DOCK1: variants seen among roughly 807,000 people sequenced by gnomAD.
DOCK1 encodes the protein dedicator of cytokinesis protein 1.
DOCK1 carries 138 observed loss-of-function variants against 262.7 expected under a neutral mutation model. That is an observed-to-expected ratio of 0.53 (90% confidence interval 0.46 to 0.61). DOCK1 has a LOEUF of 0.61. Among genes scored for constraint, DOCK1 ranks in the 20% least tolerant of loss-of-function variants. The pLI, the probability that DOCK1 is intolerant of heterozygous loss-of-function variation, is 0.00. For synonymous variants in DOCK1, 866 were observed against 867.4 expected (o/e 1.00, Z 0.03); for missense variants, 1,908 against 2,370.7 (o/e 0.80, Z 4.05).
At chr10:127,308,548 A>G (rs1448610825) in intron 29 of DOCK1, among the ~76,000 whole-genome samples, 2 of 152,110 alleles carry the variant, frequency 1.3e-5, no homozygotes, top group African/African-American at 2.4e-5. Flanking sequence ...TAAGCCCCAC[A>G]TGCATTAGCT....
intron 18 of DOCK1, among the ~76,000 whole-genome samples, chr10:127,036,044 A>AAAT (rs747334299): frequency 1.0e-5 from 1 of 98,856 alleles, no homozygotes; most frequent in African/African-American, 3.2e-5. Context: ...ATAAATAAAT[A>AAAT]AAAAAGAGTA....
rs370943103 is a variant in DOCK1, at chr10:126,970,766, C to T, written c.111C>T (p.His37=). ...CTTTACAGATCGGAGACACTGTGCA[C>T]ATCTTAGAAACATATGAAGGTGCGT... is the stretch of plus-strand genomic sequence containing the variant. The part of the protein sequence containing the change: ...ELSLQIGDTV[H]ILETYEGWYR... The change falls in exon 2 of 52, where the codon CAC becomes CAT. Residue 37 remains histidine, a synonymous_variant. Transcript: ENST00000623213. 1.4e-5 allele frequency: 22 copies of T among 1,613,288 alleles called. No individual in the cohort carries two copies. The highest frequency in any genetic ancestry group is 1.7e-4 in the Middle Eastern group (1 of 6,058).
intron 27 of DOCK1, among the ~76,000 whole-genome samples, chr10:127,205,201 C>A (rs564743516): frequency 2.0e-5 from 3 of 152,132 alleles, no homozygotes; most frequent in Admixed American, 2.0e-4. Flanking sequence ...TCATTCACAC[C>A]ATGAAAATGG....
chr10:127,409,419 G>C (rs116743950), intron 42 of DOCK1, 28 bp downstream of exon 42: 30 of 1,609,172 alleles, frequency 1.9e-5, no homozygotes, highest in Non-Finnish European at 2.4e-5. Flanking sequence ...CTTACCCAAC[G>C]TGAGGGTTGT....
At chr10:127,097,525 C>T (rs1237789067) in intron 23 of DOCK1, among the ~76,000 whole-genome samples, 3 of 152,086 alleles carry the variant, frequency 2.0e-5, no homozygotes, top group Non-Finnish European at 4.4e-5. Context: ...AGGCCTCTCT[C>T]ATGCCTGAGT....
intron 27 of DOCK1, among the ~76,000 whole-genome samples, chr10:127,223,977 C>T (rs1443105389): frequency 6.6e-6 from 1 of 152,152 alleles, no homozygotes; most frequent in African/African-American, 2.4e-5. Flanking sequence ...TAAGCCCTTT[C>T]TGCCATGATA....
intron 12 of DOCK1, among the ~76,000 whole-genome samples, chr10:127,014,318 G>C (rs921092454): frequency 2.6e-5 from 4 of 152,186 alleles, no homozygotes; most frequent in African/African-American, 9.6e-5. Context: ...TAGTTATTCT[G>C]CTTAAGCAAA....
At chr10:127,187,066 C>T (rs2134042207) in intron 27 of DOCK1, among the ~76,000 whole-genome samples, 1 of 152,322 alleles carries the variant, frequency 6.6e-6, no homozygotes, top group South Asian at 2.1e-4. Context: ...TGACAATTCA[C>T]CCCGGGGCAA....
At chr10:126,908,700 C>T (rs545068832) in intron 1 of DOCK1, among the ~76,000 whole-genome samples, 2 of 152,268 alleles carry the variant, frequency 1.3e-5, no homozygotes, top group African/African-American at 4.8e-5. Context: ...TACCAGCCCG[C>T]GTTTCCCCCT....
At chr10:127,291,674 T>C (rs1435135826) in intron 29 of DOCK1, among the ~76,000 whole-genome samples, 8 of 152,238 alleles carry the variant, frequency 5.3e-5, no homozygotes, top group Admixed American at 5.2e-4. Context: ...GGCGTTTGCC[T>C]CCTTCCTTTG....
In DOCK1 at chr10:127,360,219, C is replaced by G. The variant is rs577332360; in HGVS notation, c.3284-1845C>G. Among the ~76,000 whole-genome samples the G allele has an allele frequency of 3.9e-5, 6 of 152,310 alleles. No homozygotes were observed. In the East Asian group the frequency reaches 1.2e-3, roughly 29 times the overall value. ...CTTGGCAGTTGCTGTGGTTTCCTCC[C>G]TCTCCCATCTCTCTGAACTTGCCTG... is the stretch of plus-strand genomic sequence containing the variant. On this transcript the variant is annotated intron_variant, in intron 32 of 51. Transcript: ENST00000623213.
chr10:127,094,350 C>T (rs2047770791), intron 23 of DOCK1, among the ~76,000 whole-genome samples: 1 of 152,188 alleles, frequency 6.6e-6, no homozygotes, highest in Non-Finnish European at 1.5e-5. Context: ...CAATTCCATG[C>T]ACTGCATATG....
rs371024614 is a variant in DOCK1, at chr10:127,374,172, C to T, written c.3633C>T (p.Asp1211=). ...RLLDYRTIMH[D]ENKENRMSCT... ...TGGATTATAGAACCATCATGCACGACGAGAACAAAGAAAACCGCATGAGCT... is the reference window on the plus strand; with the variant it reads ...TGGATTATAGAACCATCATGCACGATGAGAACAAAGAAAACCGCATGAGCT... The change falls in exon 35 of 52, where the codon GAC becomes GAT. Residue 1211 remains aspartate, a synonymous_variant. Coordinates refer to ENST00000623213, the MANE Select transcript of DOCK1 (RefSeq NM_001290223.2). 29 of 1,613,418 alleles carry T rather than the reference C, an allele frequency of 1.8e-5. No homozygotes were observed. The highest frequency in any genetic ancestry group is 5.5e-5 in the South Asian group (5 of 90,912).
At chr10:127,223,101 G>A (rs1301200917) in intron 27 of DOCK1, among the ~76,000 whole-genome samples, 1 of 152,130 alleles carries the variant, frequency 6.6e-6, no homozygotes, top group Non-Finnish European at 1.5e-5. Context: ...GACATTTTGT[G>A]TTACCATGTC....
chr10:126,986,101 C>T (rs2039366500), intron 4 of DOCK1, among the ~76,000 whole-genome samples: 1 of 152,116 alleles, frequency 6.6e-6, no homozygotes, highest in Non-Finnish European at 1.5e-5. Context: ...ACCTCGGCCT[C>T]CCAAAGTGCT....
rs533906844 is a variant in DOCK1 at position 127,113,585 on chromosome 10, G to A, written c.2623+3231G>A. On this transcript the variant is annotated intron_variant, in intron 25 of 51. Transcript: ENST00000623213. ...CCAGGTCTGGGTCCCAGTAGGCCAG[G>A]CCTTACAGTGCCTTGGTTGTTTCTG... Among the ~76,000 whole-genome samples, 7 of 152,306 alleles carry A rather than the reference G, an allele frequency of 4.6e-5. No individual in the cohort carries two copies. In the East Asian group the frequency reaches 1.2e-3, roughly 25 times the overall value.
chr10:127,231,283 C>G (rs1319397159), intron 27 of DOCK1, among the ~76,000 whole-genome samples: 5 of 151,698 alleles, frequency 3.3e-5, no homozygotes, highest in African/African-American at 1.2e-4. Context: ...TCCACAAGCC[C>G]CACCACAAAG....
intron 23 of DOCK1, among the ~76,000 whole-genome samples, chr10:127,074,959 C>G (rs566143507): frequency 6.6e-6 from 1 of 151,730 alleles, no homozygotes; most frequent in Non-Finnish European, 1.5e-5. Context: ...GTTGGGAGTT[C>G]GAGACTAGCC....
chr10:127,401,948 A>G (rs1255468698), intron 38 of DOCK1, among the ~76,000 whole-genome samples: 1 of 152,146 alleles, frequency 6.6e-6, no homozygotes, highest in Non-Finnish European at 1.5e-5. Context: ...CGCGGCCTAG[A>G]AAGCCTGGCC....
Sources: allele counts gnomAD v4.1 joint callset (sites outside exome capture counted in the v4.1 genomes callset), GRCh38; gene constraint gnomAD v4.1.1; transcripts MANE v1.5; gene names NCBI Gene and HGNC (gene_info 2026-07-23, HGNC 2026-07-21).